Variants in FAT1 observed in about 807,000 individuals in gnomAD.
The protein encoded by FAT1 is protocadherin Fat 1.
In FAT1, 171 loss-of-function variants were observed where a neutral mutation model predicts 329.8. The observed-to-expected ratio is 0.52, with a 90% confidence interval of 0.46 to 0.59. The LOEUF is 0.59. FAT1 is among the 20% of genes least tolerant of loss of function. The pLI, the probability that FAT1 is intolerant of heterozygous loss-of-function variation, is 0.00. For synonymous variants in FAT1, 2,233 were observed against 2,228.6 expected (o/e 1.00, Z -0.06); for missense variants, 5,672 against 5,774.4 (o/e 0.98, Z 0.57).
In FAT1 at chr4:186,708,977, C is replaced by T. The variant is rs753883089; in HGVS notation, c.851G>A (p.Gly284Asp). 2.5e-6 allele frequency: 4 copies of T among 1,614,014 alleles called. No homozygotes were observed. The highest frequency in any genetic ancestry group is 3.3e-5 in the Admixed American group (2 of 60,022). Residue 284 changes from glycine to aspartate, a missense_variant, in exon 2 of 27, where the codon GGT (glycine) becomes GAT (aspartate). By Grantham distance (94) the Gly-to-Asp change is moderately conservative (BLOSUM62 -1). Around this residue, in one of 2 missense-constraint regions of FAT1, gnomAD observed 3,966 missense variants for 3,915.2 expected, o/e 1.01. Coordinates refer to ENST00000441802, the MANE Select transcript of FAT1 (RefSeq NM_005245.4). The stretch of plus-strand genomic sequence containing the variant: ...TAAAGATGCTATGTCACCATTGGCA[C>T]CCTGATCGCAGTCATCCACTGTCAC... ...AIVTVDDCDQGANGDIASLSI... is the reference protein window; with the variant it reads ...AIVTVDDCDQDANGDIASLSI...
intron 7 of FAT1, among the ~76,000 whole-genome samples, chr4:186,630,506 G>A (rs1471608731): frequency 2.0e-5 from 3 of 152,166 alleles, no homozygotes; most frequent in Admixed American, 1.3e-4. Flanking sequence ...GAAGAAACTC[G>A]CTTCCAACAT....
intron 2 of FAT1, among the ~76,000 whole-genome samples, chr4:186,667,544 C>G (rs1426312578): frequency 6.6e-6 from 1 of 152,064 alleles, no homozygotes; most frequent in East Asian, 1.9e-4. Flanking sequence ...TAATTATTAC[C>G]TCTTTGTAAG....
At position 186,683,371 on chromosome 4, in the gene FAT1, T is replaced by C. The variant is rs1420185097; in HGVS notation, c.3266-19758A>G. Among the ~76,000 whole-genome samples the C allele has an allele frequency of 2.6e-5, 4 of 151,890 alleles. No homozygotes were observed. In the East Asian group the frequency reaches 7.7e-4, roughly 29 times the overall value. On this transcript the variant is annotated intron_variant, in intron 2 of 26. Transcript: ENST00000441802. ...CCTTGCAAACTGTGGAGTCCTGGGC[T>C]CCAAGAAGGGCACAGCACCGTCTAC...
intron 2 of FAT1, among the ~76,000 whole-genome samples, chr4:186,669,899 A>T (rs1579422182): frequency 6.6e-6 from 1 of 151,554 alleles, no homozygotes; most frequent in Non-Finnish European, 1.5e-5. Flanking sequence ...AATAACTCCT[A>T]CTCCCCGCCA....
chr4:186,706,460 A>G (rs2126681307), intron 2 of FAT1, 103 bp downstream of exon 2: 1 of 1,289,656 alleles, frequency 7.8e-7, no homozygotes, highest in African/African-American at 1.5e-5. Flanking sequence ...ACCGAGCCCA[A>G]AGAGCAACAG....
At chr4:186,594,072 ATT>A (rs955083482) in intron 26 of FAT1, among the ~76,000 whole-genome samples, 1 of 147,310 alleles carries the variant, frequency 6.8e-6, no homozygotes, top group African/African-American at 2.5e-5. Flanking sequence ...ACTTGGGACT[ATT>A]TTTTTTTTTG....
chr4:186,632,568 C>T (rs1740646537), intron 7 of FAT1, among the ~76,000 whole-genome samples: 1 of 152,128 alleles, frequency 6.6e-6, no homozygotes, highest in South Asian at 2.1e-4. Context: ...CATACTAGAA[C>T]TTTTACAAGA....
At chr4:186,694,075 T>A (rs1157555651) in intron 2 of FAT1, among the ~76,000 whole-genome samples, 1 of 150,768 alleles carries the variant, frequency 6.6e-6, no homozygotes, top group Admixed American at 6.6e-5. Flanking sequence ...CTGCCTCTCA[T>A]CTAACCCATC....
intron 6 of FAT1, among the ~76,000 whole-genome samples, chr4:186,635,475 C>T (rs1282151733): frequency 6.6e-6 from 1 of 152,118 alleles, no homozygotes. Context: ...ATCCTCCTAC[C>T]TGTTGAAAAT....
intron 26 of FAT1, chr4:186,590,368 C>T: frequency 7.8e-7 from 1 of 1,289,300 alleles, no homozygotes; most frequent in South Asian, 1.2e-5. Flanking sequence ...CATAAGTCAC[C>T]TCTTGGTTTG....
intron 1 of FAT1, among the ~76,000 whole-genome samples, chr4:186,714,792 T>C (rs901784977): frequency 1.3e-5 from 2 of 152,158 alleles, no homozygotes; most frequent in Non-Finnish European, 2.9e-5. Context: ...AAATACTCAC[T>C]AATCCAGCTG....
In FAT1 at chr4:186,618,663, A is replaced by G. The variant is rs939450461; in HGVS notation, c.7923T>C (p.Ser2641=). The G allele has an allele frequency of 1.2e-6, 2 of 1,613,858 alleles. No individual in the cohort carries two copies. The highest frequency in any genetic ancestry group is 2.7e-5 in the African/African-American group (2 of 74,914). ...TGTTAATTTCCAAATTCTCTTTTACACTTTCAGAGTCTGCTTCAATGGCAT... is the reference window on the plus strand; with the variant it reads ...TGTTAATTTCCAAATTCTCTTTTACGCTTTCAGAGTCTGCTTCAATGGCAT... ...ITYAIEADSE[S]VKENLEINKL... is the part of the protein sequence containing the mutation. The change falls in exon 10 of 27, where the codon AGT becomes AGC. Residue 2641 remains serine, a synonymous_variant. Coordinates refer to ENST00000441802, the MANE Select transcript of FAT1 (RefSeq NM_005245.4).
At chr4:186,663,951 GATC>G (rs1283508609) in intron 2 of FAT1, among the ~76,000 whole-genome samples, 5 of 152,158 alleles carry the variant, frequency 3.3e-5, no homozygotes, top group African/African-American at 1.2e-4. Flanking sequence ...AGCACTAAGA[GATC>G]ATCTAATGGC....
rs764267919 is a variant in FAT1 at position 186,606,323 on chromosome 4, T to TGGGACCTGCCC, written c.10207-111_10207-110insGGGCAGGTCCC. 19,067 of 1,137,336 alleles carry TGGGACCTGCCC rather than the reference T, an allele frequency of 0.017. 276 individuals carry two copies. Among genetic ancestry groups the TGGGACCTGCCC allele is most frequent in the South Asian group, 0.039 (2,593 of 66,790 alleles). The allele number at this position is 1,137,336 out of a possible 1,614,324, so 70.5% of individuals were successfully genotyped here. On this transcript the variant is annotated intron_variant, in intron 16 of 26. Transcript: ENST00000441802. ...CGGGCAGGTCCCAGTGAGCTACCAC[T>TGGGACCTGCCC]ATCTGTTGCATCCTGCCTGTGAGCG... is the stretch of plus-strand genomic sequence containing the variant.
chr4:186,611,299 G>A (rs1345679268), intron 14 of FAT1, 87 bp downstream of exon 14: 1 of 1,206,188 alleles, frequency 8.3e-7, no homozygotes, highest in East Asian at 2.4e-5. Context: ...GACAACACAG[G>A]GTCACTTAAT....
intron 9 of FAT1, among the ~76,000 whole-genome samples, chr4:186,627,819 A>T (rs189644652): frequency 6.6e-6 from 1 of 152,328 alleles, no homozygotes; most frequent in Non-Finnish European, 1.5e-5. Flanking sequence ...AGTGTGTTTA[A>T]TTTAACCAAT....
At chr4:186,683,116 C>T (rs1265555897) in intron 2 of FAT1, among the ~76,000 whole-genome samples, 1 of 152,136 alleles carries the variant, frequency 6.6e-6, no homozygotes, top group East Asian at 1.9e-4. Flanking sequence ...GGCTATTATT[C>T]CCTCTGATTA....
chr4:186,639,738 T>C lies in FAT1; in HGVS notation c.3626A>G (p.Asp1209Gly), dbSNP rs375317260. 3.0e-5 allele frequency: 49 copies of C among 1,612,426 alleles called. No individual in the cohort carries two copies. The highest frequency in any genetic ancestry group is 3.9e-5 in the Non-Finnish European group (46 of 1,178,966). The stretch of plus-strand genomic sequence containing the variant: ...AAAACTTACCTCTAATATGTGTTCA[T>C]CTTGCTGTTCTCGGTCTAGCTTCCT... ...TSRKLDREQQ[D>G]EHILEVTVTD... Residue 1209 changes from aspartate to glycine, a missense_variant, in exon 4 of 27, where the codon GAT becomes GGT. Around this residue, in one of 2 missense-constraint regions of FAT1, gnomAD observed 3,966 missense variants for 3,915.2 expected, o/e 1.01. Transcript: ENST00000441802.
chr4:186,671,562 G>A (rs1183653204), intron 2 of FAT1, among the ~76,000 whole-genome samples: 2 of 152,128 alleles, frequency 1.3e-5, no homozygotes, highest in East Asian at 3.9e-4. Flanking sequence ...AGCTGGGCGT[G>A]GTGGCAGGCG....
Sources: allele counts gnomAD v4.1 joint callset (sites outside exome capture counted in the v4.1 genomes callset), GRCh38; gene constraint gnomAD v4.1.1; regional missense constraint gnomAD v4.1.1; transcripts MANE v1.5; gene names NCBI Gene and HGNC (gene_info 2026-07-23, HGNC 2026-07-21).